Variants in MYOCOS observed in about 807,000 individuals in gnomAD.
The protein encoded by MYOCOS is myocilin opposite strand.
Position 171,610,945 on chromosome 1 carries a change from T to C in MYOCOS, c.-251-3853T>C, listed in dbSNP as rs149473966. Among the ~76,000 whole-genome samples, 66 of 152,356 alleles carry C rather than the reference T, an allele frequency of 4.3e-4. No homozygotes were observed. The East Asian group carries it at 0.012, about 28-fold the overall frequency. ...TAGTCATCCAGTGGTTGGGTGGTTT[T>C]CCAGTTGTTTTCCTTAGAAGCCTCT... On this transcript the variant is annotated intron_variant, in intron 1 of 3. Transcript: ENST00000636697.
chr1:171,603,589 C>T (rs1458809719), intron 1 of MYOCOS, among the ~76,000 whole-genome samples: 1 of 152,202 alleles, frequency 6.6e-6, no homozygotes, highest in Non-Finnish European at 1.5e-5. Flanking sequence ...AGATAAACTA[C>T]ATCTATTACA....
At chr1:171,613,757 C>T (rs962976598) in intron 1 of MYOCOS, among the ~76,000 whole-genome samples, 9 of 152,040 alleles carry the variant, frequency 5.9e-5, no homozygotes, top group Non-Finnish European at 8.8e-5. Flanking sequence ...TATGTTGCCC[C>T]GGTTGGTCTT....
chr1:171,614,712 T>C (rs771561380), intron 1 of MYOCOS: 1 of 152,202 alleles, frequency 6.6e-6, no homozygotes, highest in African/African-American at 2.4e-5. Context: ...CACCATAGCA[T>C]CCACTGCAAC....
chr1:171,610,841 T>C (rs1652339544), intron 1 of MYOCOS, among the ~76,000 whole-genome samples: 1 of 152,220 alleles, frequency 6.6e-6, no homozygotes, highest in South Asian at 2.1e-4. Context: ...CCCATGAAGG[T>C]AAAACAAACA....
chr1:171,617,418 T>C (rs1308209359), upstream of MYOCOS, among the ~76,000 whole-genome samples: 1 of 151,996 alleles, frequency 6.6e-6, no homozygotes, highest in African/African-American at 2.4e-5. Flanking sequence ...GTTATGAGTA[T>C]AGGAAAATAA....
upstream of MYOCOS, among the ~76,000 whole-genome samples, chr1:171,621,377 T>TG (rs1429040086): frequency 1.4e-5 from 2 of 143,140 alleles, no homozygotes; most frequent in Non-Finnish European, 3.1e-5. Flanking sequence ...ATGGTGGGTT[T>TG]TTTTTTTTTT....
chr1:171,618,520 G>T (rs1023915739), upstream of MYOCOS, among the ~76,000 whole-genome samples: 2 of 152,114 alleles, frequency 1.3e-5, no homozygotes, highest in Non-Finnish European at 2.9e-5. Context: ...GCCCATGAGG[G>T]TCACCCATCC....
upstream of MYOCOS, among the ~76,000 whole-genome samples, chr1:171,617,764 T>C (rs1215646778): frequency 6.6e-6 from 1 of 152,202 alleles, no homozygotes; most frequent in Non-Finnish European, 1.5e-5. Flanking sequence ...AAATAACATG[T>C]TTGTTCACTG....
upstream of MYOCOS, among the ~76,000 whole-genome samples, chr1:171,618,282 C>T (rs183786838): frequency 6.6e-6 from 1 of 152,330 alleles, no homozygotes; most frequent in East Asian, 1.9e-4. Flanking sequence ...GCTGATAGTA[C>T]ACTTGATGGA....
chr1:171,623,381 G>A (rs1400842377), intron 1 of MYOCOS, among the ~76,000 whole-genome samples: 1 of 152,096 alleles, frequency 6.6e-6, no homozygotes, highest in African/African-American at 2.4e-5. Flanking sequence ...TTCTTTAAGG[G>A]GTAAGTGTTC....
At chr1:171,613,575 T>TC (rs1234299403) in intron 1 of MYOCOS, among the ~76,000 whole-genome samples, 3 of 151,436 alleles carry the variant, frequency 2.0e-5, no homozygotes, top group Non-Finnish European at 2.9e-5. Flanking sequence ...CAAGACAGGG[T>TC]CTTGCTCTGT....
intron 1 of MYOCOS, among the ~76,000 whole-genome samples, chr1:171,608,942 C>T (rs186016833): frequency 6.6e-6 from 1 of 152,308 alleles, no homozygotes; most frequent in African/African-American, 2.4e-5. Context: ...TATAGTTCAC[C>T]TTTCACTGCT....
upstream of MYOCOS, among the ~76,000 whole-genome samples, chr1:171,621,053 C>T (rs1481391481): frequency 3.3e-5 from 5 of 152,040 alleles, no homozygotes; most frequent in Non-Finnish European, 7.4e-5. Flanking sequence ...CAGGCACGAG[C>T]CACCGTGCCC....
rs1652717590 is a variant in MYOCOS at position 171,626,850 on chromosome 1, G to A, written c.*249G>A. The A allele has an allele frequency of 6.3e-6, 2 of 315,758 alleles. No individual in the cohort carries two copies. The highest frequency in any genetic ancestry group is 1.1e-5 in the Non-Finnish European group (2 of 175,150). The allele number at this position is 315,758 out of a possible 1,614,324, so 19.6% of individuals were successfully genotyped here. A position where few individuals can be genotyped will look rare whatever the true frequency, so the allele number is the denominator to read the frequency against. On this transcript the variant is annotated 3_prime_UTR_variant, in exon 3 of 3. Coordinates refer to ENST00000637642, the MANE Select transcript of MYOCOS (RefSeq NM_001391940.1). ...TATGTTATGCTATAGAACTGTTGCT[G>A]TAGTCAGTTGTATTTAAATTAATAA...
At chr1:171,618,169 A>C (rs1652484690), upstream of MYOCOS, among the ~76,000 whole-genome samples, 2 of 152,342 alleles carry the variant, frequency 1.3e-5, no homozygotes, top group Admixed American at 6.5e-5. Context: ...CATTAGCCAC[A>C]TACAGCTGCA....
intron 2 of MYOCOS, among the ~76,000 whole-genome samples, chr1:171,616,818 A>G (rs979064381): frequency 1.3e-5 from 2 of 152,188 alleles, no homozygotes; most frequent in Non-Finnish European, 2.9e-5. Context: ...AAACATCCAG[A>G]GCGACTCAGT....
upstream of MYOCOS, among the ~76,000 whole-genome samples, chr1:171,620,426 T>G (rs1384401421): frequency 6.6e-6 from 1 of 152,170 alleles, no homozygotes; most frequent in Non-Finnish European, 1.5e-5. Context: ...GCTGTTCTTT[T>G]TGGGGGCAAA....
intron 1 of MYOCOS, among the ~76,000 whole-genome samples, chr1:171,602,498 G>C (rs2130523): frequency 6.6e-6 from 1 of 152,044 alleles, no homozygotes; most frequent in Non-Finnish European, 1.5e-5. Context: ...AGTTAAAAAG[G>C]TATCATCCAA....
chr1:171,626,638 A>G lies in MYOCOS; in HGVS notation c.*37A>G, dbSNP rs1158351579. ...TATTTTGAAGTGAATTCTTACACAG[A>G]ACTCCAGAAAACAGTTTCAGTGGCA... On this transcript the variant is annotated 3_prime_UTR_variant, in exon 3 of 3. Transcript: ENST00000637642. 1 of 398,358 alleles carries G rather than the reference A, an allele frequency of 2.5e-6. No homozygotes were observed. Among genetic ancestry groups the G allele is most frequent in the Non-Finnish European group, 4.4e-6 (1 of 225,996 alleles). The allele number at this position is 398,358 out of a possible 1,614,324, so 24.7% of individuals were successfully genotyped here.
Sources: allele counts gnomAD v4.1 joint callset (sites outside exome capture counted in the v4.1 genomes callset), GRCh38; gene constraint gnomAD v4.1.1; transcripts MANE v1.5; gene names NCBI Gene and HGNC (gene_info 2026-07-23, HGNC 2026-07-21).